Variants in EBF1 observed in about 807,000 individuals in gnomAD.
EBF1 encodes EBF transcription factor 1.
EBF1 carries 10 observed loss-of-function variants against 68.4 expected under a neutral mutation model. The ratio of observed to expected loss-of-function variants is 0.15; its 90% CI spans 0.09 to 0.25. The LOEUF (loss-of-function observed/expected upper bound fraction) is 0.25. Among genes scored for constraint, EBF1 ranks in the 10% least tolerant of loss-of-function variants. The pLI is 1.00. For missense variants in EBF1, 509 were observed against 794.4 expected, an observed-to-expected ratio of 0.64 and a Z score of 4.32; for synonymous variants, 298 against 299.8, an observed-to-expected ratio of 0.99 and a Z score of 0.06.
intron 6 of EBF1, among the ~76,000 whole-genome samples, chr5:158,994,950 T>C (rs977136565): frequency 6.6e-6 from 1 of 152,212 alleles, no homozygotes; most frequent in Non-Finnish European, 1.5e-5. Context: ...AGTCACACTT[T>C]CAGACTCCAG....
intron 6 of EBF1, among the ~76,000 whole-genome samples, chr5:158,853,836 A>T (rs1186897742): frequency 6.6e-6 from 1 of 152,206 alleles, no homozygotes; most frequent in Non-Finnish European, 1.5e-5. Flanking sequence ...AACTTTCAAA[A>T]TGATAGAAGC....
At chr5:158,779,191 T>C (rs1171525154) in intron 9 of EBF1, among the ~76,000 whole-genome samples, 1 of 152,192 alleles carries the variant, frequency 6.6e-6, no homozygotes, top group Non-Finnish European at 1.5e-5. Flanking sequence ...ATATTTTACA[T>C]ACAAACACTA....
chr5:158,712,880 A>G (rs1759728748), intron 13 of EBF1, 90 bp downstream of exon 13: 1 of 1,269,488 alleles, frequency 7.9e-7, no homozygotes, highest in South Asian at 2.4e-5. Context: ...GGATGAAAAT[A>G]ATTTTTTAAT....
intron 9 of EBF1, among the ~76,000 whole-genome samples, chr5:158,778,642 G>A (rs1465036300): frequency 1.6e-4 from 24 of 152,110 alleles, no homozygotes; most frequent in Admixed American, 1.6e-3. Context: ...GGCTGGATGC[G>A]GCCAATGGGT....
intron 6 of EBF1, among the ~76,000 whole-genome samples, chr5:158,922,169 C>T (rs1343493733): frequency 1.3e-5 from 2 of 152,182 alleles, no homozygotes; most frequent in Non-Finnish European, 2.9e-5. Context: ...CCATCTGTGC[C>T]GTTGACATAT....
intron 6 of EBF1, among the ~76,000 whole-genome samples, chr5:159,029,527 AGGGATTC>A: frequency 6.6e-6 from 1 of 152,354 alleles, no homozygotes; most frequent in African/African-American, 2.4e-5. Flanking sequence ...GTGGGGCTAT[AGGGATTC>A]TACCTCCTGA....
chr5:158,701,964 C>T (rs1363068457), intron 15 of EBF1, among the ~76,000 whole-genome samples: 1 of 152,184 alleles, frequency 6.6e-6, no homozygotes, highest in African/African-American at 2.4e-5. Flanking sequence ...ATGTACCCTA[C>T]TTGGGCAAGA....
chr5:159,046,013 T>A (rs949258959), intron 6 of EBF1, among the ~76,000 whole-genome samples: 2 of 152,180 alleles, frequency 1.3e-5, no homozygotes, highest in Admixed American at 6.5e-5. Flanking sequence ...GACTTCATTA[T>A]CTCTGGGCCA....
intron 12 of EBF1, among the ~76,000 whole-genome samples, chr5:158,713,367 C>T (rs1013895582): frequency 1.2e-4 from 18 of 152,178 alleles, no homozygotes; most frequent in African/African-American, 3.4e-4. Context: ...CACCGAAGTA[C>T]ACTCACCTAT....
intron 6 of EBF1, 62 bp from the exon 7 acceptor site, chr5:158,840,172 G>A (rs1789887460): frequency 1.6e-6 from 2 of 1,280,132 alleles, no homozygotes; most frequent in Admixed American, 3.4e-5. Flanking sequence ...GGAAAAAAGA[G>A]GTAAGTCACC....
chr5:159,091,228 G>A (rs1384860200), intron 4 of EBF1, among the ~76,000 whole-genome samples: 1 of 152,174 alleles, frequency 6.6e-6, no homozygotes, highest in Non-Finnish European at 1.5e-5. Context: ...CCAGGAGGGA[G>A]CAGTTGGCCC....
chr5:158,851,055 C>T (rs1028831864), intron 6 of EBF1, among the ~76,000 whole-genome samples: 3 of 151,914 alleles, frequency 2.0e-5, no homozygotes, highest in Non-Finnish European at 2.9e-5. Flanking sequence ...CCCACCCATC[C>T]TCTCTTATCC....
At chr5:158,897,085 G>T (rs1439382043) in intron 6 of EBF1, among the ~76,000 whole-genome samples, 1 of 152,048 alleles carries the variant, frequency 6.6e-6, no homozygotes, top group African/African-American at 2.4e-5. Context: ...AATCATTCTT[G>T]CTCTCATTCT....
chr5:158,847,596 A>T (rs1273618950), intron 6 of EBF1, among the ~76,000 whole-genome samples: 1 of 152,186 alleles, frequency 6.6e-6, no homozygotes, highest in Non-Finnish European at 1.5e-5. Context: ...ATCCTCACGG[A>T]TGTTCTTTTA....
At chr5:159,090,502 C>T (rs1168639038) in intron 4 of EBF1, among the ~76,000 whole-genome samples, 5 of 152,062 alleles carry the variant, frequency 3.3e-5, no homozygotes, top group Non-Finnish European at 5.9e-5. Context: ...TAAGCAGGCC[C>T]GTTTTCAGAA....
intron 11 of EBF1, among the ~76,000 whole-genome samples, chr5:158,714,619 A>T (rs796925549): frequency 5.9e-5 from 9 of 152,280 alleles, no homozygotes; most frequent in African/African-American, 2.2e-4. Flanking sequence ...ATCAATCTTC[A>T]GCTACTAGAA....
intron 6 of EBF1, among the ~76,000 whole-genome samples, chr5:158,996,955 G>T (rs1310184686): frequency 6.6e-6 from 1 of 152,104 alleles, no homozygotes; most frequent in Non-Finnish European, 1.5e-5. Flanking sequence ...GGCATAGGGA[G>T]GCCAGCCCCA....
At position 158,712,200 on chromosome 5, in the gene EBF1, G is replaced by A. The variant is rs755170406; in HGVS notation, c.1503C>T (p.Gly501=). Residue 501 remains glycine (G), a synonymous_variant, in exon 14 of 16, where the codon GGC becomes GGT. Transcript: ENST00000313708. ...CTGAGCCGTTGAGGAAGGTGGGGGA[G>A]CCGCCCAAATTGGACATTGCGGCAG... ...YGSAAMSNLG[G]SPTFLNGSAA... 4 of 1,613,784 alleles carry A rather than the reference G, an allele frequency of 2.5e-6. No individual in the cohort carries two copies. Among genetic ancestry groups the A allele is most frequent in the Admixed American group, 3.3e-5 (2 of 59,994 alleles).
chr5:158,751,263 A>G (rs2127592029), intron 10 of EBF1, among the ~76,000 whole-genome samples: 1 of 152,002 alleles, frequency 6.6e-6, no homozygotes, highest in South Asian at 2.1e-4. Context: ...TATTATTTTT[A>G]TATCTAAGCA....
Sources: gnomAD v4.1 joint callset for allele counts (sites outside exome capture counted in the v4.1 genomes callset) on GRCh38, gnomAD v4.1.1 for gene constraint, MANE v1.5 for transcripts, NCBI Gene and HGNC (gene_info 2026-07-23, HGNC 2026-07-21) for gene names.